PATJ: variants seen among roughly 807,000 people sequenced by gnomAD.
The protein encoded by PATJ is inaD-like protein.
PATJ carries 190 observed loss-of-function variants against 224.9 expected under a neutral mutation model. The observed-to-expected ratio is 0.84, with a 90% CI of 0.75 to 0.95. The LOEUF is 0.95. Among genes scored for constraint, PATJ ranks in the 40% least tolerant of loss-of-function variants. PATJ has a pLI of 0.00. For missense variants in PATJ, 2,121 were observed against 2,270.3 expected (o/e 0.93, Z 1.34); for synonymous variants, 769 against 820.3 (o/e 0.94, Z 1.07).
intron 41 of PATJ, among the ~76,000 whole-genome samples, chr1:62,129,390 G>A (rs752006054): frequency 6.6e-6 from 1 of 152,146 alleles, no homozygotes. Flanking sequence ...ATTGTCACGC[G>A]TAGCAGTCAT....
chr1:62,024,165 T>C (rs1405536511), intron 29 of PATJ, among the ~76,000 whole-genome samples: 1 of 152,222 alleles, frequency 6.6e-6, no homozygotes, highest in East Asian at 1.9e-4. Flanking sequence ...TTTTCTTTTT[T>C]TGTTGTGTCT....
At chr1:61,931,970 A>G (rs1338149653) in intron 27 of PATJ, among the ~76,000 whole-genome samples, 1 of 147,698 alleles carries the variant, frequency 6.8e-6, no homozygotes, top group Non-Finnish European at 1.5e-5. Flanking sequence ...TAATGTGTGA[A>G]TTTTATTCTT....
chr1:61,851,947 G>A (rs1662877783), intron 17 of PATJ, among the ~76,000 whole-genome samples: 2 of 151,966 alleles, frequency 1.3e-5, no homozygotes, highest in Non-Finnish European at 2.9e-5. Flanking sequence ...GCCAAGGCGG[G>A]AGGATCACTT....
chr1:61,939,055 G>A (rs747336788), intron 27 of PATJ, among the ~76,000 whole-genome samples: 14 of 148,120 alleles, frequency 9.5e-5, no homozygotes, highest in African/African-American at 1.5e-4. Flanking sequence ...CCCAGGAGGC[G>A]GAGGTTGTAG....
intron 14 of PATJ, among the ~76,000 whole-genome samples, chr1:61,817,569 C>T (rs1358724815): frequency 6.6e-6 from 1 of 152,118 alleles, no homozygotes; most frequent in Non-Finnish European, 1.5e-5. Context: ...GAGGTTAAGG[C>T]AGAATCACTT....
intron 27 of PATJ, among the ~76,000 whole-genome samples, chr1:61,985,124 C>T (rs1473933249): frequency 6.6e-6 from 1 of 152,028 alleles, no homozygotes; most frequent in Non-Finnish European, 1.5e-5. Context: ...CCATCTTGGC[C>T]AATGTAGTGA....
At chr1:61,881,420 T>A (rs1450537019) in intron 21 of PATJ, among the ~76,000 whole-genome samples, 1 of 149,950 alleles carries the variant, frequency 6.7e-6, no homozygotes, top group Admixed American at 6.6e-5. Context: ...TTTTTTTTTT[T>A]TTTTTTTTGA....
intron 27 of PATJ, among the ~76,000 whole-genome samples, chr1:61,967,774 T>G (rs1172920313): frequency 6.6e-6 from 1 of 152,250 alleles, no homozygotes; most frequent in East Asian, 1.9e-4. Context: ...TTTGTTTCCT[T>G]GCTTGATTTC....
chr1:61,902,019 T>TCAC (rs1246454560), intron 24 of PATJ, among the ~76,000 whole-genome samples: 3 of 152,016 alleles, frequency 2.0e-5, no homozygotes, highest in Non-Finnish European at 4.4e-5. Flanking sequence ...GGTCAGGAGT[T>TCAC]TGAGAGTAGC....
intron 41 of PATJ, among the ~76,000 whole-genome samples, chr1:62,132,944 G>A (rs1666420423): frequency 6.6e-6 from 1 of 151,930 alleles, no homozygotes; most frequent in Admixed American, 6.6e-5. Flanking sequence ...GAATAGGTGT[G>A]ATTTTTTTTT....
At chr1:61,874,184 A>T (rs1445729026) in intron 20 of PATJ, among the ~76,000 whole-genome samples, 1 of 58,162 alleles carries the variant, frequency 1.7e-5, no homozygotes, top group Non-Finnish European at 4.9e-5. Context: ...TTATTTATTT[A>T]TTTATTTATT....
chr1:62,157,273 G>A (rs759850541), intron 43 of PATJ, among the ~76,000 whole-genome samples: 26 of 151,226 alleles, frequency 1.7e-4, no homozygotes, highest in Non-Finnish European at 3.2e-4. Flanking sequence ...GCAGTGAGCG[G>A]AGATTACACC....
At chr1:62,123,221 A>G (rs1376199229) in intron 39 of PATJ, among the ~76,000 whole-genome samples, 163 bp downstream of exon 39, 1 of 152,160 alleles carries the variant, frequency 6.6e-6, no homozygotes, top group African/African-American at 2.4e-5. Flanking sequence ...TTAGAAAAGT[A>G]CAGTAGAGCA....
chr1:62,150,237 A>G (rs1380101624), intron 42 of PATJ, among the ~76,000 whole-genome samples: 7 of 152,140 alleles, frequency 4.6e-5, no homozygotes, highest in Non-Finnish European at 8.8e-5. Flanking sequence ...ATCTCAACAG[A>G]TATTTATTGA....
intron 21 of PATJ, among the ~76,000 whole-genome samples, chr1:61,880,541 G>T (rs1667949999): frequency 6.6e-6 from 1 of 152,106 alleles, no homozygotes. Context: ...ACATTTTCTA[G>T]GTTAAGCTCT....
chr1:61,941,310 G>A (rs894666449), intron 27 of PATJ, among the ~76,000 whole-genome samples: 2 of 152,108 alleles, frequency 1.3e-5, no homozygotes, highest in African/African-American at 4.8e-5. Flanking sequence ...TAGCATTTAC[G>A]TTTTATGAAC....
At chr1:61,818,606 C>T (rs1296761277) in intron 14 of PATJ, among the ~76,000 whole-genome samples, 1 of 152,236 alleles carries the variant, frequency 6.6e-6, no homozygotes, top group African/African-American at 2.4e-5. Context: ...GATTTAGATT[C>T]AGAACTAATA....
intron 28 of PATJ, among the ~76,000 whole-genome samples, chr1:61,993,545 C>G (rs923165707): frequency 1.3e-5 from 2 of 152,098 alleles, no homozygotes; most frequent in Admixed American, 6.5e-5. Flanking sequence ...CATTCAAGAA[C>G]CCACCAAGAG....
intron 17 of PATJ, among the ~76,000 whole-genome samples, chr1:61,853,890 C>G (rs1173547029): frequency 6.6e-6 from 1 of 152,112 alleles, no homozygotes; most frequent in African/African-American, 2.4e-5. Context: ...TGTTATATTA[C>G]ATCAGAGCCT....
Sources: allele counts gnomAD v4.1 joint callset (sites outside exome capture counted in the v4.1 genomes callset), GRCh38; gene constraint gnomAD v4.1.1; transcripts MANE v1.5; gene names NCBI Gene and HGNC (gene_info 2026-07-23, HGNC 2026-07-21).